PPFIA2: variants seen among roughly 807,000 people sequenced by gnomAD.
PPFIA2 encodes liprin-alpha-2.
PPFIA2 carries 46 observed loss-of-function variants against 175.5 expected under a neutral mutation model. The ratio of observed to expected loss-of-function variants is 0.26; its 90% CI spans 0.21 to 0.34. PPFIA2 has a LOEUF of 0.34. PPFIA2 is among the 10% of genes least tolerant of loss of function. The pLI, the probability that PPFIA2 is intolerant of heterozygous loss-of-function variation, is 1.00. For missense variants in PPFIA2, 1,179 were observed against 1,506.1 expected (o/e 0.78, Z 3.60); for synonymous variants, 568 against 511.4 (o/e 1.11, Z -1.49).
At chr12:81,554,961 A>G (rs987420042) in intron 4 of PPFIA2, among the ~76,000 whole-genome samples, 1 of 152,028 alleles carries the variant, frequency 6.6e-6, no homozygotes, top group African/African-American at 2.4e-5. Context: ...CTCTAAAGAT[A>G]GACATTTTTG....
chr12:81,385,858 A>T (rs2038814090), intron 8 of PPFIA2, among the ~76,000 whole-genome samples: 1 of 152,206 alleles, frequency 6.6e-6, no homozygotes, highest in South Asian at 2.1e-4. Flanking sequence ...AAGTGCTCTC[A>T]CCACAAAAAT....
chr12:81,704,772 T>G (rs1376674127), intron 3 of PPFIA2, among the ~76,000 whole-genome samples: 2 of 151,850 alleles, frequency 1.3e-5, no homozygotes, highest in Non-Finnish European at 2.9e-5. Context: ...AAATATAATA[T>G]ATAAATATTT....
intron 4 of PPFIA2, among the ~76,000 whole-genome samples, chr12:81,519,679 A>G (rs796585250): frequency 3.9e-5 from 6 of 152,346 alleles, no homozygotes; most frequent in African/African-American, 1.4e-4. Flanking sequence ...TTTAACTAAC[A>G]TGCTCCTAAA....
intron 4 of PPFIA2, among the ~76,000 whole-genome samples, chr12:81,491,388 C>T (rs1348591949): frequency 6.6e-6 from 1 of 151,910 alleles, no homozygotes; most frequent in Non-Finnish European, 1.5e-5. Context: ...AAAAAAGTCA[C>T]CCCACCATTT....
At chr12:81,464,146 GC>G in intron 4 of PPFIA2, among the ~76,000 whole-genome samples, 1 of 152,134 alleles carries the variant, frequency 6.6e-6, no homozygotes, top group African/African-American at 2.4e-5. Flanking sequence ...CAAACTCCTG[GC>G]CTCAAGCAAT....
intron 3 of PPFIA2, among the ~76,000 whole-genome samples, chr12:81,751,945 A>G (rs2083881319): frequency 6.6e-6 from 1 of 152,174 alleles, no homozygotes; most frequent in South Asian, 2.1e-4. Context: ...AAACATTTAA[A>G]AATCCAAATT....
At chr12:81,647,778 T>TAA (rs1555554136) in intron 4 of PPFIA2, among the ~76,000 whole-genome samples, 2 of 120,672 alleles carry the variant, frequency 1.7e-5, no homozygotes, top group African/African-American at 3.3e-5. Context: ...TATATATATA[T>TAA]AATATACATA....
intron 4 of PPFIA2, among the ~76,000 whole-genome samples, chr12:81,629,844 C>T (rs2063158577): frequency 6.6e-6 from 1 of 152,172 alleles, no homozygotes; most frequent in South Asian, 2.1e-4. Flanking sequence ...TACGGCTTCT[C>T]AAAGAGGTCC....
chr12:81,320,640 T>C (rs1252442076), intron 22 of PPFIA2, among the ~76,000 whole-genome samples: 1 of 152,044 alleles, frequency 6.6e-6, no homozygotes, highest in Non-Finnish European at 1.5e-5. Context: ...ATATATGCTT[T>C]ACTAAAAAAA....
At chr12:81,390,738 T>C (rs1424585066) in intron 8 of PPFIA2, among the ~76,000 whole-genome samples, 1 of 151,904 alleles carries the variant, frequency 6.6e-6, no homozygotes, top group Admixed American at 6.6e-5. Flanking sequence ...ATCTTTTCAC[T>C]TTCTTTCATG....
chr12:81,584,896 T>C (rs1363127656), intron 4 of PPFIA2, among the ~76,000 whole-genome samples: 1 of 123,156 alleles, frequency 8.1e-6, no homozygotes, highest in Non-Finnish European at 1.6e-5. Flanking sequence ...TAATTATATT[T>C]ATATATAATA....
intron 4 of PPFIA2, among the ~76,000 whole-genome samples, chr12:81,477,945 C>T (rs1016916360): frequency 6.6e-6 from 1 of 151,830 alleles, no homozygotes; most frequent in African/African-American, 2.4e-5. Context: ...GGGAGGAGTC[C>T]CTCTTTTTCT....
chr12:81,570,441 T>C (rs1378161563), intron 4 of PPFIA2, among the ~76,000 whole-genome samples: 1 of 152,128 alleles, frequency 6.6e-6, no homozygotes, highest in Non-Finnish European at 1.5e-5. Flanking sequence ...GAAATGTGTT[T>C]GGGCGAGGTG....
chr12:81,375,097 T>A (rs530005286), intron 10 of PPFIA2, among the ~76,000 whole-genome samples: 1 of 152,218 alleles, frequency 6.6e-6, no homozygotes, highest in African/African-American at 2.4e-5. Flanking sequence ...TTGAAAATCA[T>A]GGTATTTAGA....
chr12:81,512,296 T>C (rs1178886137), intron 4 of PPFIA2: 5 of 1,288,162 alleles, frequency 3.9e-6, no homozygotes, highest in Non-Finnish European at 5.1e-6. Flanking sequence ...GATGTCCTGG[T>C]CGGCCTCTGG....
chr12:81,755,545 T>C (rs2084505769), intron 2 of PPFIA2, among the ~76,000 whole-genome samples: 1 of 152,348 alleles, frequency 6.6e-6, no homozygotes, highest in South Asian at 2.1e-4. Flanking sequence ...GCTCAATATT[T>C]AATTACTTTT....
chr12:81,730,822 A>C (rs574664829), intron 3 of PPFIA2, among the ~76,000 whole-genome samples: 1 of 151,684 alleles, frequency 6.6e-6, no homozygotes. Flanking sequence ...ACCTGAGTTA[A>C]TCTAACTACA....
At chr12:81,370,936 C>A (rs1342842096) in intron 11 of PPFIA2, among the ~76,000 whole-genome samples, 1 of 151,796 alleles carries the variant, frequency 6.6e-6, no homozygotes, top group Non-Finnish European at 1.5e-5. Context: ...CAATATAGAA[C>A]TATATATAAA....
chr12:81,499,391 C>A (rs187591540), intron 4 of PPFIA2, among the ~76,000 whole-genome samples: 2 of 152,200 alleles, frequency 1.3e-5, no homozygotes, highest in Admixed American at 6.5e-5. Context: ...TACCCTACAT[C>A]TGAGCAGGGG....
Sources: allele counts gnomAD v4.1 joint callset (sites outside exome capture counted in the v4.1 genomes callset), GRCh38; gene constraint gnomAD v4.1.1; transcripts MANE v1.5; gene names NCBI Gene and HGNC (gene_info 2026-07-23, HGNC 2026-07-21).